MALRD1: variants seen among roughly 807,000 people sequenced by gnomAD.
The protein encoded by MALRD1 is MAM and LDL receptor class A domain containing 1.
Under a neutral mutation model 242.1 loss-of-function variants are expected in MALRD1, and 247 were observed. The observed-to-expected ratio is 1.02, with a 90% confidence interval of 0.92 to 1.13. The LOEUF (loss-of-function observed/expected upper bound fraction) is 1.13. MALRD1 is among the 50% of genes most tolerant of loss of function. The probability of loss-of-function intolerance (pLI) is 0.00; values close to 1 mark genes in which losing one functional copy is unlikely to be tolerated. For synonymous variants in MALRD1, 995 were observed against 866.6 expected, an observed-to-expected ratio of 1.15 and a Z score of -2.60; for missense variants, 2,989 against 2,533.1, an observed-to-expected ratio of 1.18 and a Z score of -3.86.
intron 36 of MALRD1, among the ~76,000 whole-genome samples, chr10:19,643,286 G>GA (rs59347619): frequency 4.4e-4 from 66 of 148,754 alleles, no homozygotes; most frequent in African/African-American, 1.3e-3. Context: ...ACAGAAAAAA[G>GA]AAAAAAAAAA....
intron 18 of MALRD1, among the ~76,000 whole-genome samples, chr10:19,241,669 CT>C (rs571819265): frequency 6.6e-6 from 1 of 151,908 alleles, no homozygotes. Context: ...AATCTTTCTT[CT>C]TTTTTGGTGT....
intron 26 of MALRD1, among the ~76,000 whole-genome samples, chr10:19,354,901 A>G (rs1307302758): frequency 6.6e-6 from 1 of 152,216 alleles, no homozygotes; most frequent in Non-Finnish European, 1.5e-5. Flanking sequence ...ATAAATATTA[A>G]AAATAAAAAA....
chr10:19,331,595 G>A lies in MALRD1; in HGVS notation c.3901+13G>A. 1 of 1,545,950 alleles carries A rather than the reference G, an allele frequency of 6.5e-7. No homozygotes were observed. Among genetic ancestry groups the A allele is most frequent in the Non-Finnish European group, 8.7e-7 (1 of 1,143,298 alleles). ...ACTTTCATTTGCCGTAAGTAAAAGG[G>A]TTCTGTTTTCTTACTTTTGCCTTCA... On this transcript the variant is annotated intron_variant, in intron 24 of 39. Coordinates refer to ENST00000454679, the MANE Select transcript of MALRD1 (RefSeq NM_001142308.3).
chr10:19,145,626 C>G (rs997540387), intron 10 of MALRD1, among the ~76,000 whole-genome samples: 3 of 149,552 alleles, frequency 2.0e-5, no homozygotes, highest in African/African-American at 7.4e-5. Context: ...TGCACTCCAG[C>G]CTGGGTGACA....
chr10:19,257,623 C>T (rs1839573828), intron 18 of MALRD1, 61 bp from the exon 19 acceptor site: 2 of 1,244,472 alleles, frequency 1.6e-6, no homozygotes, highest in Admixed American at 2.2e-5. Context: ...CATTCCATAA[C>T]TTAATTTCCT....
At chr10:19,258,163 G>A (rs1362357023) in intron 19 of MALRD1, among the ~76,000 whole-genome samples, 4 of 151,896 alleles carry the variant, frequency 2.6e-5, no homozygotes, top group African/African-American at 9.7e-5. Flanking sequence ...TCTAACAATT[G>A]TTGTCAACCA....
chr10:19,594,672 T>C (rs1009004518), intron 33 of MALRD1, among the ~76,000 whole-genome samples: 17 of 152,002 alleles, frequency 1.1e-4, no homozygotes, highest in African/African-American at 3.9e-4. Flanking sequence ...AATGAAAAAA[T>C]GTCTTTTGCA....
intron 28 of MALRD1, among the ~76,000 whole-genome samples, chr10:19,389,816 C>A (rs555417184): frequency 6.6e-6 from 1 of 152,114 alleles, no homozygotes; most frequent in Non-Finnish European, 1.5e-5. Context: ...ATTTTATATT[C>A]TTTGTAGAGA....
intron 2 of MALRD1, among the ~76,000 whole-genome samples, chr10:19,079,219 T>C (rs1055560590): frequency 6.6e-6 from 1 of 151,840 alleles, no homozygotes; most frequent in African/African-American, 2.4e-5. Context: ...CTAACATCTC[T>C]TGTGATTTCT....
rs1173456574 is a variant in MALRD1, at chr10:19,061,127, G to A, written c.200-5592G>A. Among the ~76,000 whole-genome samples, 3 of 152,170 alleles carry A rather than the reference G, an allele frequency of 2.0e-5. No individual in the cohort carries two copies. The East Asian group carries it at 5.8e-4, about 29-fold the overall frequency. On this transcript the variant is annotated intron_variant, in intron 1 of 39. Coordinates refer to ENST00000454679, the MANE Select transcript of MALRD1 (RefSeq NM_001142308.3). ...ACACTGGGGCCTGTCAGAGGGTGGC[G>A]GGTCATCAGGAGGGAGAGCATCAGG...
At chr10:19,533,319 C>T (rs1443380526) in intron 32 of MALRD1, among the ~76,000 whole-genome samples, 2 of 152,128 alleles carry the variant, frequency 1.3e-5, no homozygotes, top group African/African-American at 2.4e-5. Context: ...AACCAGAAGG[C>T]AGCAGTTAAG....
At chr10:19,546,514 C>A (rs985061231) in intron 32 of MALRD1, among the ~76,000 whole-genome samples, 4 of 152,142 alleles carry the variant, frequency 2.6e-5, no homozygotes, top group Non-Finnish European at 4.4e-5. Context: ...AACTCCTAAC[C>A]CAAGGAATCA....
intron 26 of MALRD1, among the ~76,000 whole-genome samples, chr10:19,380,109 G>A (rs1022357080): frequency 6.6e-5 from 10 of 151,260 alleles, no homozygotes; most frequent in African/African-American, 2.4e-4. Context: ...CAAGTAGCTG[G>A]GATTACAGAC....
chr10:19,687,218 A>C lies in MALRD1; in HGVS notation c.6138-5064A>C, dbSNP rs541243099. 2.0e-5 allele frequency among the ~76,000 whole-genome samples: 3 copies of C among 152,306 alleles called. No homozygotes were observed. In the East Asian group the frequency reaches 5.8e-4, roughly 29 times the overall value. On this transcript the variant is annotated intron_variant, in intron 36 of 39. Coordinates refer to ENST00000454679, the MANE Select transcript of MALRD1 (RefSeq NM_001142308.3). The stretch of plus-strand genomic sequence containing the variant: ...GTATTATTTAATATTTATGGTCTTT[A>C]TGGATCTTTTTGGATTACACAAGGG...
At chr10:19,562,925 C>T (rs1024756595) in intron 32 of MALRD1, among the ~76,000 whole-genome samples, 5 of 152,094 alleles carry the variant, frequency 3.3e-5, no homozygotes, top group Admixed American at 6.5e-5. Context: ...GCACCCCATC[C>T]GTGGAAAAAA....
intron 4 of MALRD1, among the ~76,000 whole-genome samples, chr10:19,097,337 T>C (rs768337901): frequency 1.3e-5 from 2 of 152,064 alleles, no homozygotes; most frequent in Admixed American, 6.5e-5. Flanking sequence ...TTAGAATACA[T>C]AGCGGAAAAA....
At chr10:19,328,298 C>T (rs148505439) in intron 23 of MALRD1, among the ~76,000 whole-genome samples, 2 of 152,200 alleles carry the variant, frequency 1.3e-5, no homozygotes, top group East Asian at 3.9e-4. Context: ...GAAAGCAAGA[C>T]CTCCATTGGC....
In MALRD1 at chr10:19,731,344, A is replaced by AT. The variant is rs148041486; in HGVS notation, c.6390+569dup. ...AAAACCTTTCTTGTTCCTTTTTTAG[A>AT]TTTTTTATATTTTAAGTCATTTTTA... On this transcript the variant is annotated intron_variant, in intron 39 of 39. Transcript: ENST00000454679. Among the ~76,000 whole-genome samples the AT allele has an allele frequency of 4.2e-3, 639 of 152,150 alleles. 3 individuals are homozygous for AT. The highest frequency in any genetic ancestry group is 0.015 in the African/African-American group (607 of 41,516).
rs767464092 is a variant in MALRD1 at position 19,327,598 on chromosome 10, G to A, written c.3612G>A (p.Leu1204=). The A allele has an allele frequency of 1.3e-6, 2 of 1,549,868 alleles. No homozygotes were observed. The highest frequency in any genetic ancestry group is 8.7e-7 in the Non-Finnish European group (1 of 1,146,368). ...LIKKDNVTSK[L]WAQTGQQGAQ... is the part of the protein sequence containing the mutation. ...AGAAAGATAACGTTACTTCTAAATTGTGGGCTCAAACTGGACAGCAAGGTG... is the reference window on the plus strand; with the variant it reads ...AGAAAGATAACGTTACTTCTAAATTATGGGCTCAAACTGGACAGCAAGGTG... The change falls in exon 23 of 40, where the codon TTG becomes TTA. Residue 1204 remains leucine, a synonymous_variant. Transcript: ENST00000454679.
Sources: allele counts gnomAD v4.1 joint callset (sites outside exome capture counted in the v4.1 genomes callset), GRCh38; gene constraint gnomAD v4.1.1; transcripts MANE v1.5; gene names NCBI Gene and HGNC (gene_info 2026-07-23, HGNC 2026-07-21).